CD226: variants seen among roughly 807,000 people sequenced by gnomAD.
The protein encoded by CD226 is CD226 molecule, also known as CD226 antigen.
In CD226, 24 loss-of-function variants were observed where a neutral mutation model predicts 34.9. The ratio of observed to expected loss-of-function variants is 0.69; its 90% CI spans 0.50 to 0.97. The LOEUF is 0.97. CD226 is among the 50% of genes least tolerant of loss of function. The pLI is 0.00. For missense variants in CD226, 397 were observed against 412.7 expected, an observed-to-expected ratio of 0.96 and a Z score of 0.33; for synonymous variants, 148 against 147.4, an observed-to-expected ratio of 1.00 and a Z score of -0.03.
intron 4 of CD226, 70 bp from the exon 5 acceptor site, chr18:69,867,481 A>G (rs2145177841): frequency 1.0e-6 from 1 of 989,784 alleles, no homozygotes; most frequent in East Asian, 2.4e-5. Context: ...CGAAGACTCT[A>G]TACCTCACTG....
chr18:69,865,736 T>G (rs1181761793), intron 5 of CD226, among the ~76,000 whole-genome samples: 1 of 152,212 alleles, frequency 6.6e-6, no homozygotes, highest in Non-Finnish European at 1.5e-5. Flanking sequence ...ACTTAATAAA[T>G]AAAAAGTTAA....
At chr18:69,897,414 T>A (rs1985361804) in intron 2 of CD226, among the ~76,000 whole-genome samples, 1 of 152,184 alleles carries the variant, frequency 6.6e-6, no homozygotes, top group African/African-American at 2.4e-5. Flanking sequence ...ATGAACACCT[T>A]CTTTCTTCTG....
intron 4 of CD226, among the ~76,000 whole-genome samples, chr18:69,870,939 C>A (rs1983483170): frequency 6.6e-6 from 1 of 152,214 alleles, no homozygotes; most frequent in Non-Finnish European, 1.5e-5. Context: ...GCAGAAGGAA[C>A]AAGTGCTTTT....
In CD226 at chr18:69,897,043, G is replaced by A. The variant is rs183173477; in HGVS notation, c.383-998C>T. ...CCTGGGCATCTCTGTGTCCCTTTAGGGGATATGCCAGTTCAAATCTATTTT... is the reference window on the plus strand; with the variant it reads ...CCTGGGCATCTCTGTGTCCCTTTAGAGGATATGCCAGTTCAAATCTATTTT... On this transcript the variant is annotated intron_variant, in intron 2 of 5. Transcript: ENST00000582621. Among the ~76,000 whole-genome samples the A allele has an allele frequency of 2.4e-4, 37 of 152,212 alleles. No individual in the cohort carries two copies. The East Asian group carries it at 7.2e-3, about 29-fold the overall frequency.
At chr18:69,959,896 C>G (rs1481388737), upstream of CD226, among the ~76,000 whole-genome samples, 3 of 152,202 alleles carry the variant, frequency 2.0e-5, no homozygotes, top group Non-Finnish European at 4.4e-5. Flanking sequence ...TCCTCTTCCC[C>G]GAGTAGCTGA....
Position 69,895,788 on chromosome 18 carries a change from C to T in CD226, c.640G>A (p.Val214Ile), listed in dbSNP as rs2145244878. The T allele has an allele frequency of 6.2e-7, 1 of 1,614,144 alleles. No homozygotes were observed. Among genetic ancestry groups the T allele is most frequent in the East Asian group, 2.2e-5 (1 of 44,872 alleles). The part of the protein sequence containing the change: ...WSVIVIPDVT[V>I]SDSGLYRCYL... ...CAGCGGTAAAGCCCCGAGTCTGAGA[C>T]TGTGACATCGGGGATGACGATGACG... The change falls in exon 3 of 6, where the codon GTC (valine) becomes ATC (isoleucine). Residue 214 changes from valine (V) to isoleucine (I), a missense_variant. Val to Ile is a conservative substitution (Grantham distance 29). Coordinates refer to ENST00000582621, the MANE Select transcript of CD226 (RefSeq NM_001303618.2).
intron 3 of CD226, among the ~76,000 whole-genome samples, chr18:69,880,282 A>C (rs1984143864): frequency 6.7e-6 from 1 of 148,568 alleles, no homozygotes; most frequent in African/African-American, 2.5e-5. Context: ...GAGGGAAGGG[A>C]AGGGAAGGGA....
intron 2 of CD226, among the ~76,000 whole-genome samples, chr18:69,915,924 A>C (rs1411515566): frequency 6.6e-6 from 1 of 152,198 alleles, no homozygotes; most frequent in African/African-American, 2.4e-5. Context: ...AAATCACAGG[A>C]TGTGCCAGAG....
chr18:69,893,176 A>G (rs1048577547), intron 3 of CD226, among the ~76,000 whole-genome samples: 1 of 152,216 alleles, frequency 6.6e-6, no homozygotes, highest in African/African-American at 2.4e-5. Context: ...TTACTAATGG[A>G]TACAAGGTCC....
chr18:69,941,692 G>A (rs1034542492), intron 2 of CD226, among the ~76,000 whole-genome samples: 3 of 152,224 alleles, frequency 2.0e-5, no homozygotes. Context: ...CTCATAGGCG[G>A]AAGGTACTTG....
At position 69,896,112 on chromosome 18, in the gene CD226, T is replaced by C. The variant is rs1788115; in HGVS notation, c.383-67A>G. 0.95 allele frequency: 1,443,765 copies of C among 1,525,804 alleles called. 684,083 individuals are homozygous for C. The highest frequency in any genetic ancestry group is 0.97 in the Middle Eastern group (5,508 of 5,660). The allele number at this position is 1,525,804 out of a possible 1,614,324, so 94.5% of individuals were successfully genotyped here. On this transcript the variant is annotated intron_variant, in intron 2 of 5. Coordinates refer to ENST00000582621, the MANE Select transcript of CD226 (RefSeq NM_001303618.2). ...TTTGGGACACCCAACTGGAAGATAC[T>C]TAATCATAAAAATAATTGGTGATGT... is the stretch of plus-strand genomic sequence containing the variant.
At chr18:69,906,970 C>T (rs182265622) in intron 2 of CD226, among the ~76,000 whole-genome samples, 150 of 152,268 alleles carry the variant, frequency 9.9e-4, no homozygotes, top group African/African-American at 3.4e-3. Flanking sequence ...GGTTGGAGCA[C>T]TGCCCAGGGT....
intron 3 of CD226, among the ~76,000 whole-genome samples, chr18:69,878,424 A>G (rs1468956824): frequency 6.6e-6 from 1 of 152,068 alleles, no homozygotes; most frequent in African/African-American, 2.4e-5. Context: ...TGGCTGAGTT[A>G]TACACTCTTA....
chr18:69,946,245 GAAAA>G (rs1266496847), intron 2 of CD226, among the ~76,000 whole-genome samples: 2 of 120,514 alleles, frequency 1.7e-5, no homozygotes, highest in Admixed American at 1.6e-4. Flanking sequence ...AGAAAGGAAA[GAAAA>G]GAAAGAAAGA....
intron 3 of CD226, among the ~76,000 whole-genome samples, chr18:69,888,353 G>T (rs1598972573): frequency 2.0e-5 from 3 of 151,136 alleles, no homozygotes; most frequent in African/African-American, 7.3e-5. Context: ...TTATTTCACA[G>T]TCAGAGTCAT....
At position 69,859,837 on chromosome 18, in the gene CD226, C is replaced by T. The variant is rs1156688141; in HGVS notation, c.*4477G>A. ...CCTGTAATCCCAGCAATTTAGGAGG[C>T]TGAGGCAGGTGGATCACCTGAGGTC... On this transcript the variant is annotated 3_prime_UTR_variant, in exon 6 of 6. Transcript: ENST00000582621. 1 of 152,172 alleles carries T rather than the reference C, an allele frequency of 6.6e-6. No individual in the cohort carries two copies. The highest frequency in any genetic ancestry group is 2.4e-5 in the African/African-American group (1 of 41,418). 9.4% of individuals were successfully genotyped at this position (152,172 alleles called of 1,614,324 possible). A position where few individuals can be genotyped will look rare whatever the true frequency, so the allele number is the denominator to read the frequency against.
chr18:69,889,731 C>T (rs4891378), intron 3 of CD226, among the ~76,000 whole-genome samples: 11,022 of 152,210 alleles, frequency 0.072, 418 homozygotes, highest in Middle Eastern at 0.092. Flanking sequence ...CATCTATATA[C>T]GGATGTATTT....
At chr18:69,911,020 CCGAGGCCATAAA>C (rs2055317833) in intron 2 of CD226, among the ~76,000 whole-genome samples, 1 of 152,122 alleles carries the variant, frequency 6.6e-6, no homozygotes, top group Non-Finnish European at 1.5e-5. Flanking sequence ...ATGGGTGGAA[CCGAGGCCATAAA>C]TAGCAAACTG....
chr18:69,941,364 C>A (rs1362889770), intron 2 of CD226, among the ~76,000 whole-genome samples: 1 of 152,186 alleles, frequency 6.6e-6, no homozygotes, highest in Non-Finnish European at 1.5e-5. Context: ...ACTGGAGAAG[C>A]CACAGACACT....
Sources: allele counts gnomAD v4.1 joint callset (sites outside exome capture counted in the v4.1 genomes callset), GRCh38; gene constraint gnomAD v4.1.1; transcripts MANE v1.5; gene names NCBI Gene and HGNC (gene_info 2026-07-23, HGNC 2026-07-21).